PTPN4: variants seen among roughly 807,000 people sequenced by gnomAD.
PTPN4 encodes the protein protein tyrosine phosphatase non-receptor type 4, also known as tyrosine-protein phosphatase non-receptor type 4.
A neutral mutation model predicts 135.5 loss-of-function variants in PTPN4; 49 were observed. That is an observed-to-expected ratio of 0.36 (90% CI 0.29 to 0.46). PTPN4 has a LOEUF of 0.46. PTPN4 is among the 20% of genes least tolerant of loss of function. PTPN4 has a pLI of 1.00. For missense variants in PTPN4, 860 were observed against 1,101.0 expected (o/e 0.78, Z 3.10); for synonymous variants, 333 against 369.9 (o/e 0.90, Z 1.14).
In PTPN4 at chr2:119,882,103, C is replaced by T; in HGVS notation, c.420C>T (p.Pro140=). ...IKQDILTGRL[P]CPSNTAALLA... Reference sequence around the variant, plus strand: ...TTTTGTTTTGTTTTATTAGATTACCCTGTCCTTCTAATACTGCTGCCCTTT... The same window carrying T: ...TTTTGTTTTGTTTTATTAGATTACCTTGTCCTTCTAATACTGCTGCCCTTT... The change falls in exon 7 of 27, where the codon CCC becomes CCT. Residue 140 remains proline, a synonymous_variant. Transcript: ENST00000263708. 2 of 1,608,044 alleles carry T rather than the reference C, an allele frequency of 1.2e-6. No homozygotes were observed. The highest frequency in any genetic ancestry group is 8.5e-7 in the Non-Finnish European group (1 of 1,174,728).
At chr2:119,865,855 ATAAACT>A (rs981591420) in intron 3 of PTPN4, among the ~76,000 whole-genome samples, 50 of 152,238 alleles carry the variant, frequency 3.3e-4, no homozygotes, top group African/African-American at 1.1e-3. Context: ...TTTATAATTG[ATAAACT>A]TAAAAGGCAC....
intron 8 of PTPN4, among the ~76,000 whole-genome samples, chr2:119,885,095 T>G (rs533617409): frequency 4.6e-5 from 7 of 152,198 alleles, no homozygotes; most frequent in Non-Finnish European, 1.0e-4. Flanking sequence ...CCTTTCTAAA[T>G]CAGACTCTAC....
chr2:119,871,390 A>G (rs1677907535), intron 3 of PTPN4, among the ~76,000 whole-genome samples: 1 of 152,010 alleles, frequency 6.6e-6, no homozygotes, highest in South Asian at 2.1e-4. Flanking sequence ...AACCCTCATA[A>G]GAGAATAGTT....
Position 119,945,094 on chromosome 2 carries a change from C to T in PTPN4, c.1369C>T (p.Pro457Ser), listed in dbSNP as rs1679112969. ...VLESSPSQETPGDGKPPALPP... is the reference protein window; with the variant it reads ...VLESSPSQETSGDGKPPALPP... ...TTTCTTGTCTAGATCACAAGAGACC[C>T]CTGGAGATGGGAAGCCTCCAGCTTT... The change falls in exon 16 of 27, where the codon CCT becomes TCT. Residue 457 changes from proline to serine, a missense_variant. Coordinates refer to ENST00000263708, the MANE Select transcript of PTPN4 (RefSeq NM_002830.4). The T allele has an allele frequency of 7.5e-6, 12 of 1,601,204 alleles. No homozygotes were observed. The highest frequency in any genetic ancestry group is 1.0e-5 in the Non-Finnish European group (12 of 1,176,046).
intron 1 of PTPN4, among the ~76,000 whole-genome samples, chr2:119,789,336 T>C (rs1176405116): frequency 6.6e-6 from 1 of 152,216 alleles, no homozygotes; most frequent in African/African-American, 2.4e-5. Flanking sequence ...GTTCATCTGA[T>C]ACATGATTGG....
intron 2 of PTPN4, 35 bp from the exon 3 acceptor site, chr2:119,862,501 A>G: frequency 6.5e-7 from 1 of 1,545,626 alleles, no homozygotes; most frequent in Non-Finnish European, 8.9e-7. Flanking sequence ...AACCTATCAA[A>G]GTTGATTTCA....
chr2:119,852,233 G>A (rs532540048), intron 2 of PTPN4, among the ~76,000 whole-genome samples: 67 of 152,148 alleles, frequency 4.4e-4, no homozygotes, highest in South Asian at 3.7e-3. Flanking sequence ...TGCAGATTGC[G>A]CGTTTACCCT....
intron 1 of PTPN4, chr2:119,791,008 G>A (rs1307204468): frequency 6.6e-6 from 1 of 151,754 alleles, no homozygotes; most frequent in Non-Finnish European, 1.5e-5. Context: ...TTTATACATT[G>A]TAAGCCCATC....
chr2:119,893,904 GA>G (rs972457153), intron 9 of PTPN4, among the ~76,000 whole-genome samples: 14 of 144,242 alleles, frequency 9.7e-5, no homozygotes, highest in South Asian at 2.2e-4. Context: ...GAGAGAATAT[GA>G]AAAAAAAAAC....
intron 1 of PTPN4, among the ~76,000 whole-genome samples, chr2:119,808,222 G>A (rs1691516008): frequency 6.6e-6 from 1 of 152,146 alleles, no homozygotes; most frequent in Non-Finnish European, 1.5e-5. Flanking sequence ...GGAAGTTCTG[G>A]CCAGGGCAGT....
intron 1 of PTPN4, among the ~76,000 whole-genome samples, chr2:119,790,927 C>T (rs902437493): frequency 6.6e-6 from 1 of 152,056 alleles, no homozygotes; most frequent in African/African-American, 2.4e-5. Flanking sequence ...CAGTAGTATT[C>T]AGAAATTTTG....
intron 3 of PTPN4, among the ~76,000 whole-genome samples, chr2:119,875,417 G>A (rs1677970119): frequency 6.6e-6 from 1 of 152,102 alleles, no homozygotes; most frequent in African/African-American, 2.4e-5. Flanking sequence ...AACTGAATGA[G>A]GAAGACAAGC....
At chr2:119,908,346 G>A (rs962621593) in intron 10 of PTPN4, among the ~76,000 whole-genome samples, 1 of 152,092 alleles carries the variant, frequency 6.6e-6, no homozygotes, top group African/African-American at 2.4e-5. Context: ...AAACAACTCT[G>A]TTGTTGCCAT....
chr2:119,919,069 A>T (rs1025947617), intron 11 of PTPN4, among the ~76,000 whole-genome samples: 1 of 152,180 alleles, frequency 6.6e-6, no homozygotes, highest in South Asian at 2.1e-4. Context: ...TTGGGAAGGT[A>T]ATCTGGTAGA....
chr2:119,947,655 G>C (rs544481083), intron 18 of PTPN4, among the ~76,000 whole-genome samples: 12 of 151,624 alleles, frequency 7.9e-5, no homozygotes, highest in South Asian at 4.2e-4. Flanking sequence ...GAATGAATTT[G>C]TACATTGAAT....
chr2:119,847,725 T>G (rs1055507771), intron 2 of PTPN4, among the ~76,000 whole-genome samples: 6 of 152,204 alleles, frequency 3.9e-5, no homozygotes, highest in Non-Finnish European at 7.3e-5. Context: ...TTTTTCAGCC[T>G]GAAGAACTTC....
rs375035193 is a variant in PTPN4 at position 119,952,246 on chromosome 2, A to G, written c.1813+117A>G. On this transcript the variant is annotated intron_variant, in intron 19 of 26. Coordinates refer to ENST00000263708, the MANE Select transcript of PTPN4 (RefSeq NM_002830.4). Reference sequence around the variant, plus strand: ...GTCACCTAAGTTTCCTGCTCAAAGCACAGTGGCTTTCATTGACACGTGGAG... The same window carrying G: ...GTCACCTAAGTTTCCTGCTCAAAGCGCAGTGGCTTTCATTGACACGTGGAG... 3.4e-4 allele frequency: 323 copies of G among 949,816 alleles called. 2 individuals carry two copies. The African/African-American group carries it at 4.6e-3, about 14-fold the overall frequency. 58.8% of individuals were successfully genotyped at this position (949,816 alleles called of 1,614,324 possible).
intron 2 of PTPN4, among the ~76,000 whole-genome samples, chr2:119,820,996 C>T (rs958807035): frequency 2.6e-5 from 4 of 151,588 alleles, no homozygotes; most frequent in Admixed American, 2.0e-4. Context: ...CCTTTATCCT[C>T]TTGGTAATTC....
intron 1 of PTPN4, among the ~76,000 whole-genome samples, chr2:119,799,874 T>C (rs961229247): frequency 6.6e-6 from 1 of 152,198 alleles, no homozygotes; most frequent in African/African-American, 2.4e-5. Context: ...AAAAATACCA[T>C]ATAGAAAACT....
Sources: allele counts gnomAD v4.1 joint callset (sites outside exome capture counted in the v4.1 genomes callset), GRCh38; gene constraint gnomAD v4.1.1; transcripts MANE v1.5; gene names NCBI Gene and HGNC (gene_info 2026-07-23, HGNC 2026-07-21).